UBE3A: variants seen among roughly 807,000 people sequenced by gnomAD.
The protein encoded by UBE3A is ubiquitin protein ligase E3A.
Under a neutral mutation model 83.4 loss-of-function variants are expected in UBE3A, and 6 were observed. The ratio of observed to expected loss-of-function variants is 0.07; its 90% CI spans 0.04 to 0.14. The LOEUF is 0.14. Ranked by LOEUF, UBE3A falls within the 10% of genes least tolerant of loss-of-function variation. The pLI, the probability that UBE3A is intolerant of heterozygous loss-of-function variation, is 1.00. For synonymous variants in UBE3A, 337 were observed against 355.4 expected, an observed-to-expected ratio of 0.95 and a Z score of 0.58; for missense variants, 456 against 1,036.1, an observed-to-expected ratio of 0.44 and a Z score of 7.69.
chr15:25,342,185 G>T (rs2074955133), intron 11 of UBE3A, among the ~76,000 whole-genome samples: 1 of 152,064 alleles, frequency 6.6e-6, no homozygotes, highest in Non-Finnish European at 1.5e-5. Flanking sequence ...CTGTAGCACA[G>T]AACCCTCCAA....
chr15:25,339,383 T>G, intron 12 of UBE3A, 126 bp from the exon 13 acceptor site: 10 of 1,222,326 alleles, frequency 8.2e-6, no homozygotes, highest in Non-Finnish European at 1.0e-5. Context: ...TATACATTAA[T>G]GCAAATCATA....
At chr15:25,358,090 G>A (rs1287868078) in intron 7 of UBE3A, among the ~76,000 whole-genome samples, 1 of 151,856 alleles carries the variant, frequency 6.6e-6, no homozygotes, top group Non-Finnish European at 1.5e-5. Context: ...GAAAATTGGG[G>A]CCCGGTGTGG....
At chr15:25,362,296 T>A (rs1342820497) in intron 6 of UBE3A, among the ~76,000 whole-genome samples, 1 of 152,212 alleles carries the variant, frequency 6.6e-6, no homozygotes, top group South Asian at 2.1e-4. Flanking sequence ...TCAACACCGA[T>A]CTCTAATATT....
intron 11 of UBE3A, among the ~76,000 whole-genome samples, chr15:25,350,346 G>A (rs1312062004): frequency 6.7e-6 from 1 of 149,418 alleles, no homozygotes; most frequent in East Asian, 2.0e-4. Context: ...TCCCTGCCCT[G>A]CACCCGCCAA....
chr15:25,354,262 T>G, intron 11 of UBE3A, 91 bp downstream of exon 11: 1 of 1,125,400 alleles, frequency 8.9e-7, no homozygotes, highest in Non-Finnish European at 1.3e-6. Flanking sequence ...TTTGCTTATT[T>G]GGGAATTAGT....
Position 25,354,568 on chromosome 15 carries a change from A to C in UBE3A, c.2240T>G (p.Phe747Cys). ...AAGCAATTCAATTTCTTCTGGTCTG[A>C]ATAAGTACTTTAAGGGAGATTCATT... The part of the protein sequence containing the change: ...VTNESPLKYL[F>C]RPEEIELLIC... The change falls in exon 10 of 13, where the codon TTC (phenylalanine) becomes TGC (cysteine). Residue 747 changes from phenylalanine (F) to cysteine (C), a missense_variant. Coordinates refer to ENST00000648336, the MANE Select transcript of UBE3A (RefSeq NM_130839.5). 6.2e-7 allele frequency: 1 copy of C among 1,613,974 alleles called. No individual in the cohort carries two copies.
At chr15:25,433,024 T>G (rs1047063036) in intron 1 of UBE3A, among the ~76,000 whole-genome samples, 1 of 152,150 alleles carries the variant, frequency 6.6e-6, no homozygotes, top group Non-Finnish European at 1.5e-5. Context: ...ATTGATCAGA[T>G]TAACACAACA....
At position 25,354,409 on chromosome 15, in the gene UBE3A, T is replaced by C. The variant is rs2076944514; in HGVS notation, c.2298A>G (p.Ala766=). ...ICGSRNLDFQ[A]LEETTEYDGG... The stretch of plus-strand genomic sequence containing the variant: ...CGTCATATTCTGTAGTTTCTTCTAG[T>C]GCTTGGAAATCTAGATTCTGCAAAT... The change falls in exon 11 of 13, where the codon GCA becomes GCG. Residue 766 remains alanine, a synonymous_variant. Transcript: ENST00000648336. 2 of 1,614,010 alleles carry C rather than the reference T, an allele frequency of 1.2e-6. No individual in the cohort carries two copies. Among genetic ancestry groups the C allele is most frequent in the Non-Finnish European group, 1.7e-6 (2 of 1,179,930 alleles).
intron 9 of UBE3A, 108 bp downstream of exon 9, chr15:25,355,784 G>GTTTTTTTTTTTTTTTT: frequency 1.0e-6 from 1 of 983,428 alleles, no homozygotes; most frequent in Non-Finnish European, 1.5e-6. Context: ...TTAGTTACTT[G>GTTTTTTTTTTTTTTTT]TTTTTTTTTT....
intron 12 of UBE3A, 195 bp downstream of exon 12, chr15:25,339,890 T>C (rs1378384809): frequency 2.9e-6 from 2 of 680,596 alleles, no homozygotes; most frequent in African/African-American, 1.8e-5. Flanking sequence ...CCATAATAAT[T>C]TTTAACTAGG....
chr15:25,387,282 G>A (rs1363276463), intron 4 of UBE3A, among the ~76,000 whole-genome samples: 1 of 152,198 alleles, frequency 6.6e-6, no homozygotes, highest in South Asian at 2.1e-4. Context: ...AGCACTTTGG[G>A]AGGCTGAGGC....
chr15:25,343,354 T>G (rs1043286813), intron 11 of UBE3A, among the ~76,000 whole-genome samples: 1 of 151,864 alleles, frequency 6.6e-6, no homozygotes, highest in Admixed American at 6.6e-5. Flanking sequence ...AAAAGGAGAA[T>G]GCAGCAGCAG....
chr15:25,334,685 T>C lies in UBE3A; in HGVS notation c.*4452A>G, dbSNP rs1874094815. 1 of 151,590 alleles carries C rather than the reference T, an allele frequency of 6.6e-6. No individual in the cohort carries two copies. Among genetic ancestry groups the C allele is most frequent in the African/African-American group, 2.4e-5 (1 of 41,216 alleles). The allele number at this position is 151,590 out of a possible 1,614,324, so 9.4% of individuals were successfully genotyped here. A position where few individuals can be genotyped will look rare whatever the true frequency, so the allele number is the denominator to read the frequency against. On this transcript the variant is annotated 3_prime_UTR_variant, in exon 13 of 13. Transcript: ENST00000648336. ...AGCTACAGCCATCAAGACAGTGCGG[T>C]GCTGGTATAACGACAGACATATAGG...
chr15:25,367,286 TTAAA>T (rs2079454444), intron 6 of UBE3A, among the ~76,000 whole-genome samples: 1 of 130,866 alleles, frequency 7.6e-6, no homozygotes, highest in Non-Finnish European at 1.7e-5. Context: ...CATATTTAAA[TTAAA>T]TTAATTTACA....
intron 1 of UBE3A, among the ~76,000 whole-genome samples, chr15:25,417,105 T>C (rs1287810220): frequency 1.3e-5 from 2 of 151,954 alleles, no homozygotes; most frequent in Non-Finnish European, 2.9e-5. Context: ...ATGAAGCTAG[T>C]GAAAGAGGGG....
chr15:25,413,010 C>T (rs1370916548), intron 1 of UBE3A: 4 of 451,094 alleles, frequency 8.9e-6, no homozygotes, highest in Admixed American at 7.2e-5. Context: ...ATATACTTCA[C>T]ATGACACACA....
At chr15:25,395,330 G>A (rs956528723) in intron 4 of UBE3A, among the ~76,000 whole-genome samples, 5 of 152,058 alleles carry the variant, frequency 3.3e-5, no homozygotes, top group South Asian at 2.1e-4. Flanking sequence ...AGATCATTCC[G>A]GCTGCTACTA....
intron 4 of UBE3A, among the ~76,000 whole-genome samples, chr15:25,396,296 G>T (rs1035248448): frequency 2.6e-5 from 4 of 151,810 alleles, no homozygotes; most frequent in African/African-American, 9.7e-5. Flanking sequence ...CTACAACACG[G>T]TATTTATAAA....
rs1418263991 is a variant in UBE3A, at chr15:25,342,413, G to A, written c.2355-2185C>T. On this transcript the variant is annotated intron_variant, in intron 11 of 12. Transcript: ENST00000648336. ...GAGCTGTTTCTTTGGACTTTTAAACGAAACCTTTAAAAATTTTATACAATG... is the reference window on the plus strand; with the variant it reads ...GAGCTGTTTCTTTGGACTTTTAAACAAAACCTTTAAAAATTTTATACAATG... Among the ~76,000 whole-genome samples the A allele has an allele frequency of 7.9e-5, 12 of 152,054 alleles. No individual in the cohort carries two copies. In the South Asian group the frequency reaches 1.0e-3, roughly 13 times the overall value.
Sources: allele counts gnomAD v4.1 joint callset (sites outside exome capture counted in the v4.1 genomes callset), GRCh38; gene constraint gnomAD v4.1.1; transcripts MANE v1.5; gene names NCBI Gene and HGNC (gene_info 2026-07-23, HGNC 2026-07-21).